Variants in HTR4 observed in about 807,000 individuals in gnomAD.
The protein encoded by HTR4 is 5-hydroxytryptamine receptor 4.
HTR4 carries 16 observed loss-of-function variants against 36.8 expected under a neutral mutation model. The observed-to-expected ratio is 0.43, with a 90% CI of 0.29 to 0.66. HTR4 has a LOEUF of 0.66. Ranked by LOEUF, HTR4 falls within the 30% of genes least tolerant of loss-of-function variation. The probability of loss-of-function intolerance (pLI) is 0.13; values close to 1 mark genes in which losing one functional copy is unlikely to be tolerated. For synonymous variants in HTR4, 189 were observed against 185.1 expected, an observed-to-expected ratio of 1.02 and a Z score of -0.17; for missense variants, 438 against 490.9, an observed-to-expected ratio of 0.89 and a Z score of 1.02.
intron 2 of HTR4, among the ~76,000 whole-genome samples, chr5:148,634,769 T>C (rs1753468229): frequency 6.6e-6 from 1 of 152,174 alleles, no homozygotes; most frequent in Non-Finnish European, 1.5e-5. Flanking sequence ...TCATGTCTCC[T>C]CCAAACTCCT....
At chr5:148,458,302 C>T (rs1755173917) in intron 5 of HTR4, among the ~76,000 whole-genome samples, 1 of 151,584 alleles carries the variant, frequency 6.6e-6, no homozygotes, top group Non-Finnish European at 1.5e-5. Context: ...GGTATTTTTT[C>T]CATGAACACA....
At chr5:148,624,380 C>T (rs918249809) in intron 2 of HTR4, among the ~76,000 whole-genome samples, 3 of 152,132 alleles carry the variant, frequency 2.0e-5, no homozygotes, top group African/African-American at 7.2e-5. Flanking sequence ...ATAATAAGAG[C>T]ACCCCTTCAT....
At chr5:148,580,020 G>T (rs1761072163) in intron 2 of HTR4, among the ~76,000 whole-genome samples, 1 of 152,076 alleles carries the variant, frequency 6.6e-6, no homozygotes, top group Non-Finnish European at 1.5e-5. Context: ...TGAATACCAA[G>T]GAGAAGGAGT....
chr5:148,532,798 G>A (rs1211584122), intron 4 of HTR4, among the ~76,000 whole-genome samples: 1 of 152,216 alleles, frequency 6.6e-6, no homozygotes, highest in Non-Finnish European at 1.5e-5. Context: ...ACGTCTCAGA[G>A]CAGTGGTTCT....
chr5:148,493,606 T>A (rs1265440222), intron 6 of HTR4, among the ~76,000 whole-genome samples: 1 of 152,098 alleles, frequency 6.6e-6, no homozygotes, highest in African/African-American at 2.4e-5. Context: ...CTAATAATTT[T>A]AAAAATTTCT....
intron 5 of HTR4, among the ~76,000 whole-genome samples, chr5:148,451,478 C>T (rs185016026): frequency 2.4e-4 from 37 of 152,192 alleles, no homozygotes; most frequent in Non-Finnish European, 2.9e-4. Flanking sequence ...TGTGGAGAAA[C>T]AGTCCTGGAG....
At chr5:148,496,875 T>A (rs1023654627) in intron 6 of HTR4, among the ~76,000 whole-genome samples, 1 of 152,222 alleles carries the variant, frequency 6.6e-6, no homozygotes, top group Non-Finnish European at 1.5e-5. Flanking sequence ...TGGTTCATGT[T>A]TATATCTGCT....
chr5:148,600,300 ATATAT>A (rs975772152), intron 2 of HTR4, among the ~76,000 whole-genome samples: 3 of 147,648 alleles, frequency 2.0e-5, no homozygotes, highest in South Asian at 2.1e-4. Context: ...ATAAACACAT[ATATAT>A]TATATTATAT....
At chr5:148,499,191 A>G (rs1193586948) in intron 6 of HTR4, among the ~76,000 whole-genome samples, 1 of 152,172 alleles carries the variant, frequency 6.6e-6, no homozygotes, top group African/African-American at 2.4e-5. Context: ...AATGATCATA[A>G]TACCTTACTT....
chr5:148,639,038 C>A (rs1168627148), intron 1 of HTR4, among the ~76,000 whole-genome samples: 1 of 151,830 alleles, frequency 6.6e-6, no homozygotes, highest in Non-Finnish European at 1.5e-5. Flanking sequence ...CAAAGTGAGA[C>A]CCTGTCTCAA....
intron 2 of HTR4, among the ~76,000 whole-genome samples, chr5:148,622,008 C>A (rs1752934824): frequency 6.6e-6 from 1 of 152,040 alleles, no homozygotes; most frequent in African/African-American, 2.4e-5. Flanking sequence ...ACCCAGATGC[C>A]AATTTGCATT....
chr5:148,637,929 G>A (rs1054749861), intron 1 of HTR4, among the ~76,000 whole-genome samples: 1 of 152,172 alleles, frequency 6.6e-6, no homozygotes, highest in Non-Finnish European at 1.5e-5. Flanking sequence ...TCACTTCTCA[G>A]TAAAGAGAAG....
chr5:148,578,524 A>G (rs1761012730), intron 2 of HTR4, among the ~76,000 whole-genome samples: 1 of 152,138 alleles, frequency 6.6e-6, no homozygotes, highest in African/African-American at 2.4e-5. Context: ...TGTCTTAACC[A>G]TATAAATGCA....
intron 6 of HTR4, chr5:148,490,580 G>A (rs1245427052): frequency 1.5e-5 from 17 of 1,139,582 alleles, no homozygotes; most frequent in Admixed American, 1.4e-4. Flanking sequence ...GGCTGAGAAC[G>A]TGTTATTCAA....
intron 2 of HTR4, among the ~76,000 whole-genome samples, chr5:148,602,581 C>A (rs1663716761): frequency 6.6e-6 from 1 of 151,754 alleles, no homozygotes; most frequent in Non-Finnish European, 1.5e-5. Flanking sequence ...AAATAATCAA[C>A]TAAGAAGCTA....
intron 4 of HTR4, among the ~76,000 whole-genome samples, chr5:148,538,820 A>G (rs141686375): frequency 6.6e-6 from 1 of 152,340 alleles, no homozygotes; most frequent in African/African-American, 2.4e-5. Flanking sequence ...TGCAGATTCA[A>G]TGCTATTTCT....
chr5:148,466,932 A>T (rs1755444727), intron 5 of HTR4, among the ~76,000 whole-genome samples: 1 of 152,204 alleles, frequency 6.6e-6, no homozygotes, highest in Non-Finnish European at 1.5e-5. Flanking sequence ...TCTGAAAACT[A>T]CGTCTATTTT....
chr5:148,590,293 T>C (rs1405495568), intron 2 of HTR4, among the ~76,000 whole-genome samples: 48 of 120,290 alleles, frequency 4.0e-4, no homozygotes, highest in African/African-American at 9.4e-4. Flanking sequence ...TTTTCTTTTT[T>C]TTTTTTTTTT....
chr5:148,484,453 A>T, intron 6 of HTR4: 1 of 1,416,246 alleles, frequency 7.1e-7, no homozygotes, highest in Non-Finnish European at 9.7e-7. Flanking sequence ...CTATGAGTCT[A>T]TGGTTTCTGG....
Sources: allele counts gnomAD v4.1 joint callset (sites outside exome capture counted in the v4.1 genomes callset), GRCh38; gene constraint gnomAD v4.1.1; transcripts MANE v1.5; gene names NCBI Gene and HGNC (gene_info 2026-07-23, HGNC 2026-07-21).